CYP51A1: variants seen among roughly 807,000 people sequenced by gnomAD.
The protein encoded by CYP51A1 is cytochrome P450 family 51 subfamily A member 1, also known as lanosterol 14-alpha demethylase.
CYP51A1 carries 45 observed loss-of-function variants against 53.5 expected under a neutral mutation model. That is an observed-to-expected ratio of 0.84 (90% CI 0.66 to 1.08). The LOEUF (loss-of-function observed/expected upper bound fraction) is 1.08. Among genes scored for constraint, CYP51A1 ranks in the 50% least tolerant of loss-of-function variants. The pLI, the probability that CYP51A1 is intolerant of heterozygous loss-of-function variation, is 0.00. For synonymous variants in CYP51A1, 181 were observed against 217.7 expected, an observed-to-expected ratio of 0.83 and a Z score of 1.48; for missense variants, 462 against 621.7, an observed-to-expected ratio of 0.74 and a Z score of 2.73.
chr7:92,123,915 C>A lies in CYP51A1; in HGVS notation c.771-62G>T, dbSNP rs1346489024. ...AGAAATAACCTTCTAGGATCAAATTCATTTTGAGAACCAGGACCGAGCATA... is the reference window on the plus strand; with the variant it reads ...AGAAATAACCTTCTAGGATCAAATTAATTTTGAGAACCAGGACCGAGCATA... On this transcript the variant is annotated intron_variant, in intron 5 of 9. Transcript: ENST00000003100. 3 of 1,386,562 alleles carry A rather than the reference C, an allele frequency of 2.2e-6. No homozygotes were observed. In the African/African-American group the frequency reaches 4.4e-5, roughly 21 times the overall value. The allele number at this position is 1,386,562 out of a possible 1,614,324, so 85.9% of individuals were successfully genotyped here.
intron 3 of CYP51A1, among the ~76,000 whole-genome samples, chr7:92,128,062 A>C (rs1819836453): frequency 6.6e-6 from 1 of 152,248 alleles, no homozygotes; most frequent in Admixed American, 6.5e-5. Flanking sequence ...TGAGGGTAAA[A>C]CATACACATA....
intron 1 of CYP51A1, among the ~76,000 whole-genome samples, chr7:92,132,539 G>A (rs780370449): frequency 5.3e-5 from 8 of 151,834 alleles, no homozygotes; most frequent in Non-Finnish European, 1.2e-4. Flanking sequence ...TGTGGAATTC[G>A]TGTCCCCAGA....
Position 92,116,631 on chromosome 7 carries a change from G to A in CYP51A1, c.1351+413C>T, listed in dbSNP as rs575485205. ...TCAGAGAGCAAAAATGTTGACTAAC[G>A]ATCGAGAAGAGCTTTAATTTTAAAA... is the stretch of plus-strand genomic sequence containing the variant. On this transcript the variant is annotated intron_variant, in intron 9 of 9. Coordinates refer to ENST00000003100, the MANE Select transcript of CYP51A1 (RefSeq NM_000786.4). Among the ~76,000 whole-genome samples, 13 of 152,302 alleles carry A rather than the reference G, an allele frequency of 8.5e-5. No homozygotes were observed. The East Asian group carries it at 1.7e-3, about 20-fold the overall frequency.
upstream of CYP51A1, chr7:92,134,493 C>T: frequency 1.0e-6 from 1 of 986,402 alleles, no homozygotes; most frequent in Non-Finnish European, 1.4e-6. Context: ...CAGCCCCACC[C>T]CTCGGGTCCC....
chr7:92,131,940 A>G (rs1819929941), intron 1 of CYP51A1, 68 bp from the exon 2 acceptor site: 1 of 956,536 alleles, frequency 1.0e-6, no homozygotes, highest in Non-Finnish European at 1.7e-6. Context: ...GTTTCGTTTC[A>G]TGACCAAACA....
rs900313654 is a variant in CYP51A1, at chr7:92,127,504, C to A, written c.595+1G>T. ...GGACAAACATAAAACATTTTGCTTA[C>A]TTTTTTCTCCACTTTCTCCCCAACT... On this transcript the variant is annotated splice_donor_variant, in intron 4 of 9. Transcript: ENST00000003100. LOFTEE classifies it high-confidence loss of function. 1 of 1,605,034 alleles carries A rather than the reference C, an allele frequency of 6.2e-7. No homozygotes were observed. The highest frequency in any genetic ancestry group is 8.5e-7 in the Non-Finnish European group (1 of 1,177,516).
In CYP51A1 at chr7:92,134,291, T is replaced by A; in HGVS notation, c.74A>T (p.Glu25Val). 6.2e-7 allele frequency: 1 copy of A among 1,611,166 alleles called. No individual in the cohort carries two copies. Among genetic ancestry groups the A allele is most frequent in the Non-Finnish European group, 8.5e-7 (1 of 1,178,762 alleles). The part of the protein sequence containing the change: ...AGGSVLGQAM[E>V]KVTGGNLLSM... Reference sequence around the variant, plus strand: ...CAAGAGGTTGCCGCCTGTCACCTTCTCCATCGCCTGGCCCAGCACCGACCC... The same window carrying A: ...CAAGAGGTTGCCGCCTGTCACCTTCACCATCGCCTGGCCCAGCACCGACCC... Residue 25 changes from glutamate (E) to valine (V), a missense_variant, in exon 1 of 10, where the codon GAG becomes GTG. Physicochemically the swap from Glu to Val is moderately radical, Grantham distance 121 (BLOSUM62 -2). Transcript: ENST00000003100.
intron 6 of CYP51A1, among the ~76,000 whole-genome samples, chr7:92,123,525 T>C (rs1819733471): frequency 1.3e-5 from 2 of 152,206 alleles, no homozygotes; most frequent in South Asian, 2.1e-4. Context: ...TACAGTTCAT[T>C]AGCAAACTTT....
At chr7:92,119,317 G>A (rs994659797) in intron 7 of CYP51A1, among the ~76,000 whole-genome samples, 9 of 152,128 alleles carry the variant, frequency 5.9e-5, no homozygotes, top group African/African-American at 2.2e-4. Context: ...CCATGCATAT[G>A]CCCAGGTAAG....
At chr7:92,126,978 A>G (rs115329373) in intron 4 of CYP51A1, among the ~76,000 whole-genome samples, 2,316 of 152,358 alleles carry the variant, frequency 0.015, 49 homozygotes, top group African/African-American at 0.053. Flanking sequence ...TTAATTCCAC[A>G]TTCACTAAAT....
At chr7:92,120,451 T>A (rs907643621) in intron 7 of CYP51A1, among the ~76,000 whole-genome samples, 7 of 152,230 alleles carry the variant, frequency 4.6e-5, no homozygotes, top group African/African-American at 1.7e-4. Context: ...AGAGGCTTTT[T>A]AAAATGTATT....
chr7:92,123,689 G>A (rs775698455), intron 6 of CYP51A1, 45 bp downstream of exon 6: 2 of 1,535,324 alleles, frequency 1.3e-6, no homozygotes, highest in East Asian at 4.6e-5. Context: ...GTTTTAATGT[G>A]TAATTTCCTG....
In CYP51A1 at chr7:92,117,913, G is replaced by A. The variant is rs370061107; in HGVS notation, c.1182+607C>T. Among the ~76,000 whole-genome samples the A allele has an allele frequency of 5.3e-5, 8 of 151,792 alleles. No individual in the cohort carries two copies. The South Asian group carries it at 1.5e-3, about 28-fold the overall frequency. On this transcript the variant is annotated intron_variant, in intron 8 of 9. Transcript: ENST00000003100. ...TGAGGCAGAAGAATTGCTTGAACCCGGGAGGCGGAGGTTGCAGTGAGCTGA... is the reference window on the plus strand; with the variant it reads ...TGAGGCAGAAGAATTGCTTGAACCCAGGAGGCGGAGGTTGCAGTGAGCTGA...
intron 9 of CYP51A1, among the ~76,000 whole-genome samples, chr7:92,116,179 C>T (rs896938811): frequency 2.6e-5 from 4 of 151,986 alleles, no homozygotes; most frequent in Non-Finnish European, 4.4e-5. Context: ...GGCTAAGGCA[C>T]GAGAATTACT....
chr7:92,116,978 A>G, intron 9 of CYP51A1, 66 bp downstream of exon 9: 1 of 1,461,406 alleles, frequency 6.8e-7, no homozygotes, highest in Admixed American at 2.2e-5. Flanking sequence ...ACAATTCGGA[A>G]TATTTTGACA....
chr7:92,133,946 G>A (rs1006158403), intron 1 of CYP51A1, among the ~76,000 whole-genome samples: 1 of 152,168 alleles, frequency 6.6e-6, no homozygotes, highest in African/African-American at 2.4e-5. Context: ...CCCAACACAA[G>A]GCAATGGCGG....
intron 8 of CYP51A1, among the ~76,000 whole-genome samples, 194 bp downstream of exon 8, chr7:92,118,326 A>G (rs1819619629): frequency 6.6e-6 from 1 of 151,996 alleles, no homozygotes; most frequent in Non-Finnish European, 1.5e-5. Flanking sequence ...GCTAATTTTT[A>G]GAAAAAATTT....
rs28495975 is a variant in CYP51A1 at position 92,129,071 on chromosome 7, G to A, written c.292-15C>T. The A allele has an allele frequency of 4.5e-3, 7,124 of 1,566,718 alleles. 307 individuals are homozygous for A. The African/African-American group carries it at 0.086, about 19-fold the overall frequency. On this transcript the variant is annotated splice_polypyrimidine_tract_variant and intron_variant, in intron 2 of 9. Transcript: ENST00000003100. ...ACAGGTCCATACTAAAAAGAGAAAAGTACATATAGTGATGTTACAAAAAAT... is the reference window on the plus strand; with the variant it reads ...ACAGGTCCATACTAAAAAGAGAAAAATACATATAGTGATGTTACAAAAAAT...
chr7:92,131,837 G>A lies in CYP51A1; in HGVS notation c.228C>T (p.Phe76=). ...TCCCAAATGCTATGGCATGCCCAAGGAATGGAATTGGGGAGAAAATGTATG... is the reference window on the plus strand; with the variant it reads ...TCCCAAATGCTATGGCATGCCCAAGAAATGGAATTGGGGAGAAAATGTATG... The part of the protein sequence containing the change: ...SPPYIFSPIP[F]LGHAIAFGKS... Residue 76 remains phenylalanine, a synonymous_variant, in exon 2 of 10, where the codon TTC becomes TTT. Coordinates refer to ENST00000003100, the MANE Select transcript of CYP51A1 (RefSeq NM_000786.4). 1 of 1,599,518 alleles carries A rather than the reference G, an allele frequency of 6.3e-7. No homozygotes were observed. The highest frequency in any genetic ancestry group is 8.6e-7 in the Non-Finnish European group (1 of 1,169,112).
Sources: gnomAD v4.1 joint callset for allele counts (sites outside exome capture counted in the v4.1 genomes callset) on GRCh38, gnomAD v4.1.1 for gene constraint, MANE v1.5 for transcripts, NCBI Gene and HGNC (gene_info 2026-07-23, HGNC 2026-07-21) for gene names.